The following ANKRD55 variants were observed in gnomAD, a reference collection of about 807,000 sequenced individuals.
The protein encoded by ANKRD55 is ankyrin repeat domain 55, also known as ankyrin repeat domain-containing protein 55.
ANKRD55 carries 41 observed loss-of-function variants against 60.6 expected under a neutral mutation model. The observed-to-expected ratio is 0.68, with a 90% CI of 0.53 to 0.88. ANKRD55 has a LOEUF of 0.88. Ranked by LOEUF, ANKRD55 falls within the 40% of genes least tolerant of loss-of-function variation. The probability of loss-of-function intolerance (pLI) is 0.00; values close to 1 mark genes in which losing one functional copy is unlikely to be tolerated. For synonymous variants in ANKRD55, 264 were observed against 290.3 expected (o/e 0.91, Z 0.92); for missense variants, 732 against 767.6 (o/e 0.95, Z 0.55).
chr5:56,119,575 C>T (rs1023635410), intron 8 of ANKRD55, among the ~76,000 whole-genome samples: 10 of 151,914 alleles, frequency 6.6e-5, no homozygotes, highest in African/African-American at 1.5e-4. Context: ...TTTTACTGAA[C>T]GTAAATAAAA....
At position 56,111,188 on chromosome 5, in the gene ANKRD55, G is replaced by A; in HGVS notation, c.1560C>T (p.Leu520=). Residue 520 remains leucine, a synonymous_variant, in exon 10 of 12, where the codon CTC becomes CTT. Coordinates refer to ENST00000341048, the MANE Select transcript of ANKRD55 (RefSeq NM_024669.3). The part of the protein sequence containing the change: ...SSSDKLLDRL[L]SVRPGHQEVS... ...CCTCTTGGTGACCAGGCCGGACACT[G>A]AGCAATCTGTCCAGCAGCTTATCAG... 1 of 1,614,216 alleles carries A rather than the reference G, an allele frequency of 6.2e-7. No homozygotes were observed. The highest frequency in any genetic ancestry group is 8.5e-7 in the Non-Finnish European group (1 of 1,180,046).
At chr5:56,142,583 G>A (rs1014976974) in intron 7 of ANKRD55, among the ~76,000 whole-genome samples, 3 of 152,188 alleles carry the variant, frequency 2.0e-5, no homozygotes, top group African/African-American at 7.2e-5. Flanking sequence ...GAGTGCAGTG[G>A]TGTTGAGGTG....
At chr5:56,158,889 T>C (rs1024541477) in intron 6 of ANKRD55, among the ~76,000 whole-genome samples, 1 of 152,172 alleles carries the variant, frequency 6.6e-6, no homozygotes, top group African/African-American at 2.4e-5. Flanking sequence ...AAATGGAGTC[T>C]CGCTCTGCTG....
chr5:56,169,535 G>A (rs1329126646), intron 5 of ANKRD55, among the ~76,000 whole-genome samples: 1 of 151,178 alleles, frequency 6.6e-6, no homozygotes, highest in East Asian at 1.9e-4. Flanking sequence ...TCCTTGTTTT[G>A]TTGGGCTTTG....
At chr5:56,149,054 A>G (rs1437591673) in intron 6 of ANKRD55, among the ~76,000 whole-genome samples, 1 of 152,216 alleles carries the variant, frequency 6.6e-6, no homozygotes, top group Non-Finnish European at 1.5e-5. Context: ...TGGAATTAAT[A>G]TGTACTTTAA....
intron 10 of ANKRD55, among the ~76,000 whole-genome samples, chr5:56,102,990 G>A (rs1016475945): frequency 1.1e-4 from 17 of 152,156 alleles, no homozygotes; most frequent in Non-Finnish European, 7.3e-5. Flanking sequence ...AGTCCTGGCT[G>A]CACATAGGAA....
intron 5 of ANKRD55, among the ~76,000 whole-genome samples, 192 bp from the exon 6 acceptor site, chr5:56,160,085 G>A (rs547361024): frequency 1.3e-5 from 2 of 152,294 alleles, no homozygotes; most frequent in South Asian, 4.2e-4. Flanking sequence ...GAAGACACCT[G>A]TGTGGAGGGC....
At chr5:56,167,788 C>T (rs1415216388) in intron 5 of ANKRD55, among the ~76,000 whole-genome samples, 1 of 152,138 alleles carries the variant, frequency 6.6e-6, no homozygotes, top group Non-Finnish European at 1.5e-5. Flanking sequence ...CTAGTTATAG[C>T]AACTTAATGT....
At chr5:56,184,124 G>C (rs949604202) in intron 2 of ANKRD55, among the ~76,000 whole-genome samples, 1 of 152,172 alleles carries the variant, frequency 6.6e-6, no homozygotes, top group Admixed American at 6.5e-5. Flanking sequence ...GACCCTTGCC[G>C]AGTGCTCCAC....
intron 8 of ANKRD55, among the ~76,000 whole-genome samples, chr5:56,118,289 TA>T (rs1157764064): frequency 2.0e-5 from 3 of 152,104 alleles, no homozygotes; most frequent in Non-Finnish European, 4.4e-5. Flanking sequence ...GCAAATCACA[TA>T]GTCAACAAAG....
At chr5:56,217,162 G>C (rs1359968726) in intron 2 of ANKRD55, among the ~76,000 whole-genome samples, 1 of 152,152 alleles carries the variant, frequency 6.6e-6, no homozygotes, top group African/African-American at 2.4e-5. Flanking sequence ...TCTGTAAATG[G>C]AATAACAAAG....
At chr5:56,220,296 A>G (rs1162014892) in intron 2 of ANKRD55, among the ~76,000 whole-genome samples, 2 of 152,188 alleles carry the variant, frequency 1.3e-5, no homozygotes, top group Non-Finnish European at 2.9e-5. Flanking sequence ...TAGAGTCCAT[A>G]AGAAGAGCCA....
At chr5:56,141,356 T>G (rs1757761275) in intron 7 of ANKRD55, among the ~76,000 whole-genome samples, 1 of 152,012 alleles carries the variant, frequency 6.6e-6, no homozygotes, top group Non-Finnish European at 1.5e-5. Context: ...CCTGCCTCAG[T>G]CTCCCAAGTA....
At chr5:56,164,339 C>T (rs1419974094) in intron 5 of ANKRD55, among the ~76,000 whole-genome samples, 11 of 152,182 alleles carry the variant, frequency 7.2e-5, no homozygotes, top group African/African-American at 2.6e-4. Flanking sequence ...GGTCCCACAA[C>T]CAGCCGTCTC....
Position 56,099,781 on chromosome 5 carries a change from T to G in ANKRD55, c.*402A>C, listed in dbSNP as rs952867081. ...GTTTGTCTGGGATGTGGTTTTTTTT[T>G]TGTTTTGTTTTTTGCTTTTATTCAG... is the stretch of plus-strand genomic sequence containing the variant. On this transcript the variant is annotated 3_prime_UTR_variant, in exon 12 of 12. Coordinates refer to ENST00000341048, the MANE Select transcript of ANKRD55 (RefSeq NM_024669.3). 1.3e-5 allele frequency: 2 copies of G among 156,832 alleles called. No homozygotes were observed. Among genetic ancestry groups the G allele is most frequent in the African/African-American group, 5.0e-5 (2 of 40,126 alleles). The allele number at this position is 156,832 out of a possible 1,614,324, so 9.7% of individuals were successfully genotyped here.
At chr5:56,119,086 A>T (rs1756966826) in intron 8 of ANKRD55, among the ~76,000 whole-genome samples, 1 of 152,240 alleles carries the variant, frequency 6.6e-6, no homozygotes, top group Admixed American at 6.5e-5. Flanking sequence ...TGGAGAAATA[A>T]AAACTTACAT....
intron 2 of ANKRD55, among the ~76,000 whole-genome samples, chr5:56,221,835 C>T (rs1759973004): frequency 6.6e-6 from 1 of 152,216 alleles, no homozygotes; most frequent in African/African-American, 2.4e-5. Context: ...AGTAGGTAAA[C>T]AAAGCAGCCA....
At chr5:56,128,604 C>G (rs1194476713) in intron 7 of ANKRD55, among the ~76,000 whole-genome samples, 1 of 152,172 alleles carries the variant, frequency 6.6e-6, no homozygotes, top group Non-Finnish European at 1.5e-5. Context: ...TTTTACTTTT[C>G]TTTGTAAGAA....
At chr5:56,158,364 A>G (rs1281900959) in intron 6 of ANKRD55, among the ~76,000 whole-genome samples, 3 of 152,204 alleles carry the variant, frequency 2.0e-5, no homozygotes, top group Non-Finnish European at 4.4e-5. Flanking sequence ...CCAAGCACAT[A>G]TTTACTTTAA....
Sources: allele counts gnomAD v4.1 joint callset (sites outside exome capture counted in the v4.1 genomes callset), GRCh38; gene constraint gnomAD v4.1.1; transcripts MANE v1.5; gene names NCBI Gene and HGNC (gene_info 2026-07-23, HGNC 2026-07-21).